Variants in NLK observed in about 807,000 individuals in gnomAD.
The protein encoded by NLK is serine/threonine-protein kinase NLK.
A neutral mutation model predicts 59.0 loss-of-function variants in NLK; 11 were observed. The ratio of observed to expected loss-of-function variants is 0.19; its 90% CI spans 0.12 to 0.31. The LOEUF is 0.31. NLK is among the 10% of genes least tolerant of loss of function. The pLI, the probability that NLK is intolerant of heterozygous loss-of-function variation, is 1.00. For missense variants in NLK, 410 were observed against 661.1 expected (o/e 0.62, Z 4.16); for synonymous variants, 235 against 235.9 (o/e 1.00, Z 0.03).
intron 1 of NLK, among the ~76,000 whole-genome samples, chr17:28,103,768 G>A (rs577275903): frequency 4.5e-4 from 69 of 152,252 alleles, no homozygotes; most frequent in Middle Eastern, 3.4e-3. Context: ...TGCCCAGTTA[G>A]GTTAAAATAC....
intron 6 of NLK, among the ~76,000 whole-genome samples, 178 bp from the exon 7 acceptor site, chr17:28,172,339 C>T (rs902502436): frequency 2.0e-5 from 3 of 150,402 alleles, no homozygotes; most frequent in Non-Finnish European, 3.0e-5. Flanking sequence ...TTATAAATTC[C>T]TAGAAATCTT....
intron 1 of NLK, among the ~76,000 whole-genome samples, chr17:28,090,709 T>A (rs879265147): frequency 3.3e-5 from 5 of 152,220 alleles, no homozygotes; most frequent in Non-Finnish European, 5.9e-5. Flanking sequence ...TGTTAAAAAA[T>A]AATAATAATA....
At chr17:28,120,266 G>GTGTGTA (rs1905980409) in intron 1 of NLK, among the ~76,000 whole-genome samples, 1 of 150,694 alleles carries the variant, frequency 6.6e-6, no homozygotes, top group Non-Finnish European at 1.5e-5. Flanking sequence ...GTGTGTGTGT[G>GTGTGTA]TGTGTGTATG....
intron 3 of NLK, among the ~76,000 whole-genome samples, chr17:28,138,942 T>A (rs1190459587): frequency 6.6e-6 from 1 of 152,056 alleles, no homozygotes; most frequent in African/African-American, 2.4e-5. Context: ...GACAATAGTA[T>A]AGGTTGGAAA....
chr17:28,043,079 C>G lies in NLK; in HGVS notation c.206C>G (p.Ser69Cys), dbSNP rs1297595444. The G allele has an allele frequency of 1.3e-6, 2 of 1,571,444 alleles. No individual in the cohort carries two copies. The highest frequency in any genetic ancestry group is 1.9e-5 in the Admixed American group (1 of 52,000). The change falls in exon 1 of 11, where the codon TCT (serine) becomes TGT (cysteine). Residue 69 changes from serine (S) to cysteine (C), a missense_variant. Coordinates refer to ENST00000407008, the MANE Select transcript of NLK (RefSeq NM_016231.5). ...GTACACCCTGTACAGCAGCACACCTCTTCGGCAGCTGCGGCAGCCGCAGCA... is the reference window on the plus strand; with the variant it reads ...GTACACCCTGTACAGCAGCACACCTGTTCGGCAGCTGCGGCAGCCGCAGCA... ...AAVHPVQQHT[S>C]SAAAAAAAAA...
intron 1 of NLK, among the ~76,000 whole-genome samples, chr17:28,077,073 C>CTTTTTTT (rs35639099): frequency 5.6e-4 from 24 of 42,496 alleles, no homozygotes; most frequent in East Asian, 9.0e-4. Context: ...CTCTTTCTTT[C>CTTTTTTT]TTTTTTTTTT....
intron 1 of NLK, among the ~76,000 whole-genome samples, chr17:28,102,069 A>C (rs185551155): frequency 6.6e-6 from 1 of 152,160 alleles, no homozygotes; most frequent in Non-Finnish European, 1.5e-5. Flanking sequence ...TTCTTTGTCC[A>C]TTATGATAGC....
At chr17:28,046,885 C>T (rs970779741) in intron 1 of NLK, among the ~76,000 whole-genome samples, 3 of 152,136 alleles carry the variant, frequency 2.0e-5, no homozygotes, top group Admixed American at 6.6e-5. Context: ...TTGTGACTTG[C>T]CTGATTAATT....
intron 2 of NLK, among the ~76,000 whole-genome samples, chr17:28,130,566 A>ATTC (rs1274233089): frequency 6.6e-6 from 1 of 152,152 alleles, no homozygotes; most frequent in East Asian, 1.9e-4. Context: ...AGAAAGCCTC[A>ATTC]TTCTTCTCTA....
intron 5 of NLK, among the ~76,000 whole-genome samples, chr17:28,167,196 C>T (rs1372345775): frequency 6.6e-6 from 1 of 152,098 alleles, no homozygotes; most frequent in African/African-American, 2.4e-5. Flanking sequence ...ATCTTCCTCT[C>T]TAAACTAGTC....
intron 1 of NLK, among the ~76,000 whole-genome samples, chr17:28,111,897 GTGTGT>G (rs1905523264): frequency 3.2e-5 from 1 of 31,196 alleles, no homozygotes; most frequent in African/African-American, 1.2e-4. Context: ...TGTGTGTGTG[GTGTGT>G]GTGTGTGTGT....
chr17:28,170,162 G>A, intron 6 of NLK, among the ~76,000 whole-genome samples: 1 of 152,192 alleles, frequency 6.6e-6, no homozygotes, highest in East Asian at 1.9e-4. Context: ...GCATGTTGGA[G>A]GGAAGGTATG....
Position 28,074,532 on chromosome 17 carries a change from C to G in NLK, c.458+31201C>G. 1.3e-5 allele frequency among the ~76,000 whole-genome samples: 2 copies of G among 152,070 alleles called. 1 individual carries two copies. Among genetic ancestry groups the G allele is most frequent in the East Asian group, 3.8e-4 (2 of 5,196 alleles). ...GTAGGGGGTTGAGGAGGTTGTTTTT[C>G]TCCTGTTGCCTGAATTTAAATGTTT... On this transcript the variant is annotated intron_variant, in intron 1 of 10. Transcript: ENST00000407008.
intron 7 of NLK, among the ~76,000 whole-genome samples, chr17:28,176,868 A>G (rs1908699949): frequency 6.6e-6 from 1 of 152,192 alleles, no homozygotes; most frequent in African/African-American, 2.4e-5. Flanking sequence ...TTTTAAAAAC[A>G]CACAAATACA....
At chr17:28,084,842 G>A (rs557563371) in intron 1 of NLK, among the ~76,000 whole-genome samples, 39 of 152,272 alleles carry the variant, frequency 2.6e-4, no homozygotes, top group Admixed American at 9.8e-4. Flanking sequence ...GATTACAGGC[G>A]TGAGCCACCG....
chr17:28,117,431 C>T (rs1905827194), intron 1 of NLK, among the ~76,000 whole-genome samples: 1 of 152,132 alleles, frequency 6.6e-6, no homozygotes, highest in African/African-American at 2.4e-5. Flanking sequence ...TAGCCTTCCT[C>T]CATTATCAGT....
At chr17:28,130,614 A>G (rs1362271221) in intron 2 of NLK, among the ~76,000 whole-genome samples, 1 of 152,188 alleles carries the variant, frequency 6.6e-6, no homozygotes, top group Non-Finnish European at 1.5e-5. Flanking sequence ...TTTCTTCTAG[A>G]TAACCTCTAA....
At chr17:28,107,036 T>A (rs1905193906) in intron 1 of NLK, among the ~76,000 whole-genome samples, 1 of 152,202 alleles carries the variant, frequency 6.6e-6, no homozygotes, top group African/African-American at 2.4e-5. Flanking sequence ...TTAAAAACAC[T>A]ACACAACTAA....
intron 3 of NLK, among the ~76,000 whole-genome samples, chr17:28,153,482 A>G (rs1907572172): frequency 6.6e-6 from 1 of 152,144 alleles, no homozygotes; most frequent in Admixed American, 6.5e-5. Flanking sequence ...TTGTGGAAAG[A>G]ACTAACAAAC....
Sources: allele counts gnomAD v4.1 joint callset (sites outside exome capture counted in the v4.1 genomes callset), GRCh38; gene constraint gnomAD v4.1.1; transcripts MANE v1.5; gene names NCBI Gene and HGNC (gene_info 2026-07-23, HGNC 2026-07-21).